The following LOC400499 variants were observed in gnomAD, a reference collection of about 807,000 sequenced individuals.
the LOC400499 span, chr16:11,443,598 G>T: frequency 3.5e-6 from 1 of 289,316 alleles, no homozygotes; most frequent in Admixed American, 4.8e-5. Context: ...TCCTCCTAGA[G>T]GTGTCAGGAA....
chr16:11,385,182 C>A, the LOC400499 span: 1 of 1,231,698 alleles, frequency 8.1e-7, no homozygotes, highest in Admixed American at 4.2e-5. Context: ...AGGCTCAGTC[C>A]TACAGGCTGC....
chr16:11,450,732 C>T, the LOC400499 span: 1 of 1,536,070 alleles, frequency 6.5e-7, no homozygotes, highest in African/African-American at 1.4e-5. Flanking sequence ...GCGTTAGCTC[C>T]AGGACAGCCT....
the LOC400499 span, chr16:11,450,604 C>A: frequency 7.8e-6 from 12 of 1,535,638 alleles, no homozygotes; most frequent in South Asian, 1.2e-5. Context: ...CCGAGCACTG[C>A]TCACCCGGAG....
At chr16:11,427,741 C>G in the LOC400499 span, among the ~76,000 whole-genome samples, 2 of 152,148 alleles carry the variant, frequency 1.3e-5, no homozygotes, top group Non-Finnish European at 2.9e-5. Context: ...CCACTGCTCT[C>G]AGCTGAGATG....
the LOC400499 span, among the ~76,000 whole-genome samples, chr16:11,458,480 G>C: frequency 1.3e-5 from 2 of 151,280 alleles, no homozygotes; most frequent in Non-Finnish European, 2.9e-5. Flanking sequence ...ACTCCAGTGT[G>C]GGCAACAAAA....
the LOC400499 span, chr16:11,423,262 G>T: frequency 2.5e-6 from 1 of 399,198 alleles, no homozygotes; most frequent in Non-Finnish European, 4.4e-6. Flanking sequence ...TTGACCTACA[G>T]AGACCAGTGG....
At chr16:11,464,863 C>A in the LOC400499 span, among the ~76,000 whole-genome samples, 11 of 152,308 alleles carry the variant, frequency 7.2e-5, no homozygotes, top group East Asian at 1.9e-3. Context: ...ATTTAGCAAA[C>A]AACTAGAAGT....
chr16:11,471,720 C>T, the LOC400499 span: 3 of 399,230 alleles, frequency 7.5e-6, no homozygotes, highest in Non-Finnish European at 4.4e-6. Context: ...GTTTCTGCAG[C>T]GTCACGGCCG....
chr16:11,476,754 G>C, the LOC400499 span: 1 of 399,484 alleles, frequency 2.5e-6, no homozygotes, highest in Non-Finnish European at 4.4e-6. Context: ...TGCCGGCACT[G>C]GGCACCCACC....
the LOC400499 span, chr16:11,456,990 T>C: frequency 6.5e-7 from 1 of 1,535,828 alleles, no homozygotes; most frequent in East Asian, 2.4e-5. Flanking sequence ...GCTCAAGTGG[T>C]AAAGCTGCAC....
chr16:11,427,631 C>T, the LOC400499 span, among the ~76,000 whole-genome samples: 66 of 151,680 alleles, frequency 4.4e-4, no homozygotes, highest in African/African-American at 1.0e-3. Flanking sequence ...ATTTTTGTAG[C>T]GACAGAGTCT....
chr16:11,435,552 A>G, the LOC400499 span: 1 of 397,970 alleles, frequency 2.5e-6, no homozygotes, highest in Non-Finnish European at 4.4e-6. Context: ...GCGTGGTCTC[A>G]GGGGAACAGA....
At chr16:11,424,381 C>G in the LOC400499 span, 1 of 399,206 alleles carries the variant, frequency 2.5e-6, no homozygotes, top group South Asian at 1.3e-4. Context: ...GTGGGCAGAG[C>G]CCCAGAGACC....
chr16:11,397,773 TGGAGGGAGGGAG>T, the LOC400499 span, among the ~76,000 whole-genome samples: 3 of 34,698 alleles, frequency 8.6e-5, no homozygotes, highest in South Asian at 6.1e-3. Context: ...GAGGGAGGGA[TGGAGGGAGGGAG>T]GGAGGGAGGG....
At chr16:11,479,685 G>A in the LOC400499 span, among the ~76,000 whole-genome samples, 4,119 of 152,156 alleles carry the variant, frequency 0.027, 119 homozygotes, top group East Asian at 0.14. Flanking sequence ...GAGTTCCCAC[G>A]TATCCTTCAA....
At chr16:11,395,811 C>T in the LOC400499 span, among the ~76,000 whole-genome samples, 3 of 152,188 alleles carry the variant, frequency 2.0e-5, no homozygotes, top group Non-Finnish European at 2.9e-5. Flanking sequence ...GCACCTGCTA[C>T]GTCACGTGCC....
At chr16:11,450,630 G>C in the LOC400499 span, 6 of 1,535,982 alleles carry the variant, frequency 3.9e-6, no homozygotes, top group Non-Finnish European at 5.2e-6. Context: ...TGGTAGCTGC[G>C]GTGTAAACCT....
chr16:11,410,290 C>T, the LOC400499 span, among the ~76,000 whole-genome samples: 2 of 152,062 alleles, frequency 1.3e-5, no homozygotes, highest in African/African-American at 4.8e-5. Flanking sequence ...CCTGTCTCTA[C>T]CAAAAATACA....
At chr16:11,384,526 G>A in the LOC400499 span, among the ~76,000 whole-genome samples, 1,260 of 152,276 alleles carry the variant, frequency 8.3e-3, 18 homozygotes, top group African/African-American at 0.029. Flanking sequence ...GAAAGCACAG[G>A]GGCTCAGGGA....
Sources: gnomAD v4.1 joint callset for allele counts (sites outside exome capture counted in the v4.1 genomes callset) on GRCh38, gnomAD v4.1.1 for gene constraint, MANE v1.5 for transcripts.